SYNE3: variants seen among roughly 807,000 people sequenced by gnomAD.
SYNE3 encodes the protein nesprin-3.
SYNE3 carries 100 observed loss-of-function variants against 111.2 expected under a neutral mutation model. The ratio of observed to expected loss-of-function variants is 0.90; its 90% confidence interval spans 0.77 to 1.06. The LOEUF (loss-of-function observed/expected upper bound fraction) is 1.06, where lower values mean the gene tolerates loss of function less well. Ranked by LOEUF, SYNE3 falls within the 50% of genes least tolerant of loss-of-function variation. The pLI, the probability that SYNE3 is intolerant of heterozygous loss-of-function variation, is 0.00. For synonymous variants in SYNE3, 547 were observed against 533.9 expected (o/e 1.02, Z -0.34); for missense variants, 1,160 against 1,240.3 (o/e 0.94, Z 0.97).
intron 1 of SYNE3, among the ~76,000 whole-genome samples, chr14:95,480,381 C>T (rs559634456): frequency 2.2e-4 from 33 of 150,650 alleles, no homozygotes; most frequent in African/African-American, 3.1e-4. Context: ...CAAATGACAG[C>T]GGAAGAGAAG....
intron 13 of SYNE3, 24 bp downstream of exon 13, chr14:95,439,588 T>C: frequency 1.2e-6 from 2 of 1,603,318 alleles, no homozygotes; most frequent in South Asian, 1.1e-5. Context: ...CAGACAACGC[T>C]CAGAGCCTAG....
intron 8 of SYNE3, among the ~76,000 whole-genome samples, chr14:95,447,291 A>G (rs28590345): frequency 0.29 from 43,171 of 151,178 alleles, 6,542 homozygotes; most frequent in African/African-American, 0.41. Context: ...CCACCACCAC[A>G]CCCGGCTAAT....
rs567205219 is a variant in SYNE3, at chr14:95,468,530, A to G, written c.145-563T>C. On this transcript the variant is annotated intron_variant, in intron 2 of 17. Coordinates refer to ENST00000682763, the MANE Select transcript of SYNE3 (RefSeq NM_152592.6). ...AGACCAAGAGCAGCTGGGACACTGA[A>G]GCAGCTCCCTTCCTGGGAGATGCTG... Among the ~76,000 whole-genome samples, 80 of 152,216 alleles carry G rather than the reference A, an allele frequency of 5.3e-4. 1 individual carries two copies. In the South Asian group the frequency reaches 0.016, roughly 31 times the overall value.
At chr14:95,427,788 GGC>G (rs1464302598) in intron 17 of SYNE3, among the ~76,000 whole-genome samples, 3 of 458 alleles carry the variant, frequency 6.6e-3, no homozygotes, top group East Asian at 0.1. Context: ...TGGTCCCCAG[GGC>G]CCCAGCTGTC....
In SYNE3 at chr14:95,467,828, T is replaced by C; in HGVS notation, c.284A>G (p.Glu95Gly). 6.2e-7 allele frequency: 1 copy of C among 1,614,134 alleles called. No homozygotes were observed. Among genetic ancestry groups the C allele is most frequent in the Non-Finnish European group, 8.5e-7 (1 of 1,180,008 alleles). ...ARLKDIKAQW[E>G]ETVTYMTHCH... ...GTGAGTCATGTAGGTGACTGTCTCC[T>C]CCCATTGGGCCTTGATGTCCTTCAG... Residue 95 changes from glutamate (E) to glycine (G), a missense_variant, in exon 3 of 18, where the codon GAG (glutamate) becomes GGG (glycine). Transcript: ENST00000682763.
In SYNE3 at chr14:95,446,020, A is replaced by C; in HGVS notation, c.1521T>G (p.Ile507Met). 1.2e-6 allele frequency: 2 copies of C among 1,614,112 alleles called. No individual in the cohort carries two copies. The highest frequency in any genetic ancestry group is 1.7e-6 in the Non-Finnish European group (2 of 1,180,014). ...TGGCTCTCTCCTGGCCAAAGATGCC[A>C]ATCAGGAGGTCTTTCTTCAGCTGCA... ...TMLQLKKDLL[I>M]GIFGQERATA... Residue 507 changes from isoleucine (I) to methionine (M), a missense_variant, in exon 9 of 18, where the codon ATT becomes ATG. Coordinates refer to ENST00000682763, the MANE Select transcript of SYNE3 (RefSeq NM_152592.6).
At chr14:95,459,044 C>T (rs1450999670) in intron 4 of SYNE3, among the ~76,000 whole-genome samples, 4 of 152,152 alleles carry the variant, frequency 2.6e-5, no homozygotes, top group East Asian at 3.8e-4. Context: ...CCAAAATCAT[C>T]GACTGTTTCT....
intron 2 of SYNE3, among the ~76,000 whole-genome samples, chr14:95,469,631 A>C (rs1253683700): frequency 6.6e-6 from 1 of 151,788 alleles, no homozygotes; most frequent in East Asian, 1.9e-4. Flanking sequence ...GGATCGCTTG[A>C]GCTTGGGAGG....
intron 17 of SYNE3, among the ~76,000 whole-genome samples, chr14:95,425,566 C>G (rs964102755): frequency 5.3e-5 from 8 of 152,176 alleles, no homozygotes; most frequent in African/African-American, 1.7e-4. Context: ...TTGTACAATA[C>G]CAAGAGTTGG....
At chr14:95,480,516 C>T (rs749546808) in intron 1 of SYNE3, among the ~76,000 whole-genome samples, 6 of 152,208 alleles carry the variant, frequency 3.9e-5, no homozygotes, top group African/African-American at 1.2e-4. Context: ...CCAGCCAGTC[C>T]CCCAGAGGTG....
chr14:95,493,010 C>A (rs4900276), intron 1 of SYNE3, among the ~76,000 whole-genome samples: 11,042 of 152,172 alleles, frequency 0.073, 518 homozygotes, highest in East Asian at 0.12. Context: ...CTTGAATTTC[C>A]TTAAAAATAC....
intron 4 of SYNE3, among the ~76,000 whole-genome samples, chr14:95,465,557 T>C (rs1888111517): frequency 6.6e-6 from 1 of 151,896 alleles, no homozygotes; most frequent in South Asian, 2.1e-4. Flanking sequence ...GCGTGGGCGA[T>C]TAAGTGGTTG....
At chr14:95,472,622 C>A (rs577048742) in intron 2 of SYNE3, among the ~76,000 whole-genome samples, 4 of 152,334 alleles carry the variant, frequency 2.6e-5, no homozygotes, top group Non-Finnish European at 5.9e-5. Flanking sequence ...GCAGCTATCA[C>A]TCTCCCCGGA....
At chr14:95,438,908 C>T (rs1595190490) in intron 14 of SYNE3, 125 bp downstream of exon 14, 8 of 1,338,158 alleles carry the variant, frequency 6.0e-6, no homozygotes, top group African/African-American at 4.3e-5. Context: ...TGAGACAGGA[C>T]GTGGCCAAGT....
rs118006073 is a variant in SYNE3 at position 95,513,595 on chromosome 14, G to A, written c.-15+3001C>T. Among the ~76,000 whole-genome samples, 329 of 151,842 alleles carry A rather than the reference G, an allele frequency of 2.2e-3. 1 individual carries two copies. Among genetic ancestry groups the A allele is most frequent in the Non-Finnish European group, 3.9e-3 (262 of 67,920 alleles). ...CATCAGCTTCCCAAACTTGTCCCCC[G>A]TCCACTTCCTAGCTTCCTAGCTGCT... On this transcript the variant is annotated intron_variant, in intron 1 of 17. Coordinates refer to ENST00000682763, the MANE Select transcript of SYNE3 (RefSeq NM_152592.6).
intron 1 of SYNE3, among the ~76,000 whole-genome samples, chr14:95,488,491 C>T (rs1011177029): frequency 6.6e-6 from 1 of 152,102 alleles, no homozygotes; most frequent in East Asian, 1.9e-4. Context: ...TGTGTAAATA[C>T]CTAGGAGTGG....
chr14:95,426,672 T>C (rs886600758), intron 17 of SYNE3, among the ~76,000 whole-genome samples: 4 of 151,882 alleles, frequency 2.6e-5, no homozygotes, highest in Non-Finnish European at 5.9e-5. Flanking sequence ...TATAATAAAA[T>C]ATATATAATA....
intron 7 of SYNE3, chr14:95,450,862 T>G (rs1887033342): frequency 6.6e-6 from 1 of 152,140 alleles, no homozygotes; most frequent in African/African-American, 2.4e-5. Context: ...TCATTCTAAG[T>G]GTTAGATGAG....
chr14:95,437,977 G>C lies in SYNE3; in HGVS notation c.2377-996C>G, dbSNP rs1886193472. The C allele has an allele frequency of 2.0e-5, 3 of 152,188 alleles. No individual in the cohort carries two copies. The South Asian group carries it at 6.2e-4, about 32-fold the overall frequency. The allele number at this position is 152,188 out of a possible 1,614,324, so 9.4% of individuals were successfully genotyped here. A position where few individuals can be genotyped will look rare whatever the true frequency, so the allele number is the denominator to read the frequency against. On this transcript the variant is annotated intron_variant, in intron 14 of 17. Coordinates refer to ENST00000682763, the MANE Select transcript of SYNE3 (RefSeq NM_152592.6). ...AGTATCTCCCGGGCCCAGCAGCATG[G>C]GCCTATCCCGAGAGCTTGTTAGAAA... is the stretch of plus-strand genomic sequence containing the variant.
Sources: allele counts gnomAD v4.1 joint callset (sites outside exome capture counted in the v4.1 genomes callset), GRCh38; gene constraint gnomAD v4.1.1; transcripts MANE v1.5; gene names NCBI Gene and HGNC (gene_info 2026-07-23, HGNC 2026-07-21).